Variants in MLYCD observed in about 807,000 individuals in gnomAD.
MLYCD encodes the protein malonyl-CoA decarboxylase, mitochondrial.
In MLYCD, 27 loss-of-function variants were observed where a neutral mutation model predicts 35.8. The ratio of observed to expected loss-of-function variants is 0.75; its 90% CI spans 0.56 to 1.04. The LOEUF is 1.04. Among genes scored for constraint, MLYCD ranks in the 50% least tolerant of loss-of-function variants. MLYCD has a pLI of 0.00. For synonymous variants in MLYCD, 403 were observed against 302.4 expected (o/e 1.33, Z -3.45); for missense variants, 917 against 665.1 (o/e 1.38, Z -4.17).
chr16:83,899,161 C>G lies in MLYCD; in HGVS notation c.17C>G (p.Pro6Arg). 1.7e-6 allele frequency: 2 copies of G among 1,156,100 alleles called. No homozygotes were observed. Among genetic ancestry groups the G allele is most frequent in the Non-Finnish European group, 2.1e-6 (2 of 942,294 alleles). The allele number at this position is 1,156,100 out of a possible 1,614,324, so 71.6% of individuals were successfully genotyped here. Residue 6 changes from proline (P) to arginine (R), a missense_variant, in exon 1 of 5, where the codon CCA becomes CGA. Coordinates refer to ENST00000262430, the MANE Select transcript of MLYCD (RefSeq NM_012213.3). ...TGGGGCACCATGCGAGGCTTCGGGC[C>G]AGGCTTGACGGCCAGGCGTCTCCTC... MRGFG[P>R]GLTARRLLPL...
chr16:83,920,206 G>A lies in MLYCD; in HGVS notation c.*4717G>A, dbSNP rs1370319440. 1 of 152,112 alleles carries A rather than the reference G, an allele frequency of 6.6e-6. No homozygotes were observed. Among genetic ancestry groups the A allele is most frequent in the Non-Finnish European group, 1.5e-5 (1 of 68,030 alleles). The allele number at this position is 152,112 out of a possible 1,614,324, so 9.4% of individuals were successfully genotyped here. A position where few individuals can be genotyped will look rare whatever the true frequency, so the allele number is the denominator to read the frequency against. The stretch of plus-strand genomic sequence containing the variant: ...TTTGTTTTGCTTTTGCAATTCCAGG[G>A]AGCTCCCTGGCCTCCCACAGCCATT... On this transcript the variant is annotated 3_prime_UTR_variant, in exon 5 of 5. Transcript: ENST00000262430.
intron 1 of MLYCD, among the ~76,000 whole-genome samples, chr16:83,904,810 A>G (rs996565428): frequency 1.3e-5 from 2 of 152,074 alleles, no homozygotes; most frequent in East Asian, 3.9e-4. Flanking sequence ...TCCCAGGATG[A>G]CCTCTGTGGA....
intron 1 of MLYCD, among the ~76,000 whole-genome samples, chr16:83,904,538 A>G (rs1906909408): frequency 6.6e-6 from 1 of 152,222 alleles, no homozygotes; most frequent in Non-Finnish European, 1.5e-5. Context: ...ATCACGATTC[A>G]TTCCATTTTT....
chr16:83,920,070 AAC>A lies in MLYCD; in HGVS notation c.*4583_*4584del, dbSNP rs1423325340. On this transcript the variant is annotated 3_prime_UTR_variant, in exon 5 of 5. Transcript: ENST00000262430. The stretch of plus-strand genomic sequence containing the variant: ...GGAGAACACGCACAGTGCACAGGAG[AAC>A]AGAGTGCACAGAACACAGTCCACAG... The A allele has an allele frequency of 4.6e-5, 7 of 151,588 alleles. No individual in the cohort carries two copies. The East Asian group carries it at 1.4e-3, about 30-fold the overall frequency. 9.4% of individuals were successfully genotyped at this position (151,588 alleles called of 1,614,324 possible). A position where few individuals can be genotyped will look rare whatever the true frequency, so the allele number is the denominator to read the frequency against.
rs889186848 is a variant in MLYCD, at chr16:83,922,808, A to T, written c.*7319A>T. 3 of 152,160 alleles carry T rather than the reference A, an allele frequency of 2.0e-5. No homozygotes were observed. Among genetic ancestry groups the T allele is most frequent in the African/African-American group, 7.2e-5 (3 of 41,418 alleles). 9.4% of individuals were successfully genotyped at this position (152,160 alleles called of 1,614,324 possible). The stretch of plus-strand genomic sequence containing the variant: ...CTGGGATCTTTCAGTCCTTATTTGG[A>T]TATTTGAATATTTGTTGGTTTTCTG... On this transcript the variant is annotated 3_prime_UTR_variant, in exon 5 of 5. Transcript: ENST00000262430.
rs138107830 is a variant in MLYCD, at chr16:83,899,175, A to G, written c.31A>G (p.Arg11Gly). 0.046 allele frequency: 53,101 copies of G among 1,165,826 alleles called. 1,372 individuals are homozygous for G. Among genetic ancestry groups the G allele is most frequent in the Non-Finnish European group, 0.052 (48,986 of 948,970 alleles). The allele number at this position is 1,165,826 out of a possible 1,614,324, so 72.2% of individuals were successfully genotyped here. The change falls in exon 1 of 5, where the codon AGG (arginine) becomes GGG (glycine). Residue 11 changes from arginine to glycine, a missense_variant. Transcript: ENST00000262430. MRGFGPGLTA[R>G]RLLPLRLPPR... is the part of the protein sequence containing the mutation. ...AGGCTTCGGGCCAGGCTTGACGGCC[A>G]GGCGTCTCCTCCCGCTGCGGTTGCC...
Position 83,912,215 on chromosome 16 carries a change from C to T in MLYCD, c.799-3C>T, listed in dbSNP as rs1907204424. On this transcript the variant is annotated splice_polypyrimidine_tract_variant and splice_region_variant and intron_variant, in intron 3 of 4. Coordinates refer to ENST00000262430, the MANE Select transcript of MLYCD (RefSeq NM_012213.3). ...CCTTAGAACCATCGTTGGTGTTTTC[C>T]AGGCAATCGTGAAGGAACATCCTCC... 13 of 1,614,168 alleles carry T rather than the reference C, an allele frequency of 8.1e-6. No individual in the cohort carries two copies. The highest frequency in any genetic ancestry group is 1.3e-5 in the African/African-American group (1 of 75,052).
chr16:83,912,475 T>C, intron 4 of MLYCD, 108 bp downstream of exon 4: 1 of 1,469,156 alleles, frequency 6.8e-7, no homozygotes, highest in South Asian at 1.2e-5. Flanking sequence ...AGACAGGAGC[T>C]AAAGGGAGGG....
chr16:83,899,908 T>A (rs909249039), intron 1 of MLYCD, among the ~76,000 whole-genome samples: 1 of 152,244 alleles, frequency 6.6e-6, no homozygotes, highest in Non-Finnish European at 1.5e-5. Flanking sequence ...ACTTGTATAG[T>A]GTTTACTAAA....
chr16:83,924,015 GCA>G lies in MLYCD; in HGVS notation c.*8529_*8530del, dbSNP rs1907732058. 6.6e-6 allele frequency: 1 copy of G among 152,312 alleles called. No individual in the cohort carries two copies. Among genetic ancestry groups the G allele is most frequent in the South Asian group, 2.1e-4 (1 of 4,832 alleles). 9.4% of individuals were successfully genotyped at this position (152,312 alleles called of 1,614,324 possible). On this transcript the variant is annotated 3_prime_UTR_variant, in exon 5 of 5. Coordinates refer to ENST00000262430, the MANE Select transcript of MLYCD (RefSeq NM_012213.3). ...GGTGGCTTCTCTCAAACCCGGGCATGCACAGTGCTGGCCGTATCGGTCCGAGC... is the reference window on the plus strand; with the variant it reads ...GGTGGCTTCTCTCAAACCCGGGCATGCAGTGCTGGCCGTATCGGTCCGAGC...
In MLYCD at chr16:83,912,216, A is replaced by T. The variant is rs201963260; in HGVS notation, c.799-2A>T. 6.2e-7 allele frequency: 1 copy of T among 1,614,224 alleles called. No homozygotes were observed. The highest frequency in any genetic ancestry group is 1.3e-5 in the African/African-American group (1 of 75,066). On this transcript the variant is annotated splice_acceptor_variant, in intron 3 of 4. Transcript: ENST00000262430. LOFTEE classifies it high-confidence loss of function. Reference sequence around the variant, plus strand: ...CTTAGAACCATCGTTGGTGTTTTCCAGGCAATCGTGAAGGAACATCCTCCA... The same window carrying T: ...CTTAGAACCATCGTTGGTGTTTTCCTGGCAATCGTGAAGGAACATCCTCCA...
At chr16:83,903,955 G>A (rs1004937774) in intron 1 of MLYCD, among the ~76,000 whole-genome samples, 10 of 152,136 alleles carry the variant, frequency 6.6e-5, no homozygotes, top group Admixed American at 2.0e-4. Context: ...ACGTTGCCGC[G>A]TGCTGTGGCT....
intron 1 of MLYCD, among the ~76,000 whole-genome samples, chr16:83,905,736 C>G (rs868808896): frequency 2.6e-5 from 4 of 152,240 alleles, no homozygotes; most frequent in African/African-American, 9.6e-5. Flanking sequence ...AGAACTCTGT[C>G]ACATGGCTGC....
At position 83,909,691 on chromosome 16, in the gene MLYCD, G is replaced by T. The variant is rs1434966557; in HGVS notation, c.798+1409G>T. 3.3e-5 allele frequency among the ~76,000 whole-genome samples: 5 copies of T among 149,406 alleles called. No individual in the cohort carries two copies. The East Asian group carries it at 9.9e-4, about 29-fold the overall frequency. On this transcript the variant is annotated intron_variant, in intron 3 of 4. Coordinates refer to ENST00000262430, the MANE Select transcript of MLYCD (RefSeq NM_012213.3). ...GGCTAGAGTGCAATGGTGCTGTCTC[G>T]GCTCACTGCAACCTCCAACTCCCGG...
rs1907498764 is a variant in MLYCD at position 83,918,216 on chromosome 16, A to G, written c.*2727A>G. On this transcript the variant is annotated 3_prime_UTR_variant, in exon 5 of 5. Coordinates refer to ENST00000262430, the MANE Select transcript of MLYCD (RefSeq NM_012213.3). ...TTTCTTAACCTTTTGTGAGTTACAG[A>G]TCACTGAAATTCTGGTGAAAGCCAG... is the stretch of plus-strand genomic sequence containing the variant. 3 of 152,270 alleles carry G rather than the reference A, an allele frequency of 2.0e-5. No homozygotes were observed. In the South Asian group the frequency reaches 6.2e-4, roughly 31 times the overall value. The allele number at this position is 152,270 out of a possible 1,614,324, so 9.4% of individuals were successfully genotyped here.
rs1288943376 is a variant in MLYCD, at chr16:83,917,661, C to A, written c.*2172C>A. On this transcript the variant is annotated 3_prime_UTR_variant, in exon 5 of 5. Transcript: ENST00000262430. ...ATGCAATCCTGGCAACCTGCCCGCC[C>A]TTCTTGCGGGCAGAGTTCTTTACCG... 1.3e-5 allele frequency: 2 copies of A among 152,256 alleles called. No homozygotes were observed. Among genetic ancestry groups the A allele is most frequent in the African/African-American group, 4.8e-5 (2 of 41,464 alleles). The allele number at this position is 152,256 out of a possible 1,614,324, so 9.4% of individuals were successfully genotyped here.
chr16:83,909,182 A>G (rs915593564), intron 3 of MLYCD, among the ~76,000 whole-genome samples: 28 of 152,182 alleles, frequency 1.8e-4, no homozygotes, highest in Admixed American at 1.4e-3. Context: ...ATTTGGCAAC[A>G]TGGATGAAAA....
intron 4 of MLYCD, 82 bp from the exon 5 acceptor site, chr16:83,914,874 A>C (rs1907314490): frequency 6.3e-7 from 1 of 1,579,638 alleles, no homozygotes; most frequent in African/African-American, 1.3e-5. Flanking sequence ...GCCGTAGGTT[A>C]AGAGGTGCTC....
chr16:83,901,418 T>C (rs1032321081), intron 1 of MLYCD, among the ~76,000 whole-genome samples: 3 of 152,222 alleles, frequency 2.0e-5, no homozygotes, highest in Non-Finnish European at 2.9e-5. Context: ...TAAGACACAC[T>C]TGACACACTA....
Sources: gnomAD v4.1 joint callset for allele counts (sites outside exome capture counted in the v4.1 genomes callset) on GRCh38, gnomAD v4.1.1 for gene constraint, MANE v1.5 for transcripts, NCBI Gene and HGNC (gene_info 2026-07-23, HGNC 2026-07-21) for gene names.